The following FBXW10B variants were observed in gnomAD, a reference collection of about 807,000 sequenced individuals.
FBXW10B encodes the protein F-box and WD repeat domain containing 10B.
At chr17:15,601,206 G>A in the FBXW10B span, among the ~76,000 whole-genome samples, 10 of 149,148 alleles carry the variant, frequency 6.7e-5, no homozygotes, top group Admixed American at 6.7e-5. Flanking sequence ...TCAGGAGATC[G>A]AGACCATCCT....
At chr17:15,618,426 T>A in the FBXW10B span, among the ~76,000 whole-genome samples, 124 of 152,014 alleles carry the variant, frequency 8.2e-4, no homozygotes, top group African/African-American at 2.8e-3. Flanking sequence ...CTGCTGGAGA[T>A]CCTGATACAA....
the FBXW10B span, among the ~76,000 whole-genome samples, chr17:15,566,915 C>T: frequency 4.0e-5 from 6 of 151,364 alleles, no homozygotes; most frequent in African/African-American, 1.2e-4. Context: ...AGTATATTAG[C>T]CTCTAAGTGT....
At chr17:15,575,887 T>C in the FBXW10B span, among the ~76,000 whole-genome samples, 66,837 of 152,004 alleles carry the variant, frequency 0.44, 18,029 homozygotes, top group Non-Finnish European at 0.6. Context: ...GATGTGTATC[T>C]AAAGCTATGA....
chr17:15,579,438 A>C, the FBXW10B span, among the ~76,000 whole-genome samples: 1 of 152,200 alleles, frequency 6.6e-6, no homozygotes, highest in African/African-American at 2.4e-5. Flanking sequence ...AGACATTTTC[A>C]AAACAGTTTT....
At chr17:15,615,913 G>A in the FBXW10B span, 1 of 1,489,434 alleles carries the variant, frequency 6.7e-7, no homozygotes, top group East Asian at 2.5e-5. Context: ...TTTTAAAGAT[G>A]TACAGAATGG....
chr17:15,576,216 C>A, the FBXW10B span, among the ~76,000 whole-genome samples: 1 of 152,130 alleles, frequency 6.6e-6, no homozygotes, highest in Non-Finnish European at 1.5e-5. Flanking sequence ...GCTGGTCTAT[C>A]CTAATTTAAT....
the FBXW10B span, among the ~76,000 whole-genome samples, chr17:15,584,995 G>A: frequency 1.6e-5 from 2 of 127,084 alleles, no homozygotes; most frequent in Admixed American, 1.7e-4. Context: ...TTTGACACAA[G>A]GGCCAATTCA....
the FBXW10B span, among the ~76,000 whole-genome samples, chr17:15,610,181 T>A: frequency 6.6e-6 from 1 of 152,044 alleles, no homozygotes; most frequent in Non-Finnish European, 1.5e-5. Flanking sequence ...AAATTACACA[T>A]GTAAGAATTA....
the FBXW10B span, among the ~76,000 whole-genome samples, chr17:15,601,408 CAA>C: frequency 0.021 from 1,420 of 66,608 alleles, 22 homozygotes; most frequent in African/African-American, 0.064. Context: ...GACTCCGTCT[CAA>C]AAAAAAAAAA....
chr17:15,614,290 G>A, the FBXW10B span, among the ~76,000 whole-genome samples: 2 of 151,904 alleles, frequency 1.3e-5, no homozygotes, highest in African/African-American at 2.4e-5. Flanking sequence ...CCGGGTTCAC[G>A]CCATTCTCCT....
chr17:15,606,623 A>G, the FBXW10B span, among the ~76,000 whole-genome samples: 2 of 143,602 alleles, frequency 1.4e-5, no homozygotes, highest in Admixed American at 6.9e-5. Flanking sequence ...ATATATATAC[A>G]TGTACATATA....
the FBXW10B span, among the ~76,000 whole-genome samples, chr17:15,583,985 T>C: frequency 6.6e-6 from 1 of 152,192 alleles, no homozygotes; most frequent in Non-Finnish European, 1.5e-5. Flanking sequence ...TCTCATATAG[T>C]GCTGGTGGGA....
chr17:15,589,495 G>A, the FBXW10B span, among the ~76,000 whole-genome samples: 878 of 151,236 alleles, frequency 5.8e-3, 10 homozygotes, highest in Middle Eastern at 0.01. Flanking sequence ...CCAGCCTCCT[G>A]CGTTCCCCTC....
the FBXW10B span, among the ~76,000 whole-genome samples, chr17:15,568,462 T>C: frequency 1.3e-5 from 2 of 152,194 alleles, no homozygotes; most frequent in Admixed American, 6.5e-5. Context: ...AGGGAATGCG[T>C]CTTGAAGCTG....
chr17:15,610,013 A>T, the FBXW10B span, among the ~76,000 whole-genome samples: 3 of 150,680 alleles, frequency 2.0e-5, no homozygotes, highest in Admixed American at 6.6e-5. Flanking sequence ...GGCATGCACC[A>T]CCATGCCTGG....
At chr17:15,605,800 T>A in the FBXW10B span, among the ~76,000 whole-genome samples, 1 of 151,552 alleles carries the variant, frequency 6.6e-6, no homozygotes, top group Non-Finnish European at 1.5e-5. Context: ...CTGTGCACAC[T>A]GTATTTCTTT....
chr17:15,595,254 CG>C, the FBXW10B span, among the ~76,000 whole-genome samples: 1 of 152,068 alleles, frequency 6.6e-6, no homozygotes, highest in African/African-American at 2.4e-5. Flanking sequence ...GCAGGATATT[CG>C]CTTGAACCAG....
At chr17:15,596,218 G>C in the FBXW10B span, among the ~76,000 whole-genome samples, 1 of 151,902 alleles carries the variant, frequency 6.6e-6, no homozygotes, top group East Asian at 1.9e-4. Flanking sequence ...GGAGAAAAAG[G>C]TACTTCACCT....
the FBXW10B span, chr17:15,613,520 GCTAAGGGTTTACTGAAAGGTCCA>G: frequency 9.8e-7 from 1 of 1,017,572 alleles, no homozygotes; most frequent in Non-Finnish European, 1.4e-6. Context: ...GAGGAGGCCA[GCTAAGGGTTTACTGAAAGGTCCA>G]CAGTCATATC....
Sources: allele counts gnomAD v4.1 joint callset (sites outside exome capture counted in the v4.1 genomes callset), GRCh38; gene constraint gnomAD v4.1.1; transcripts MANE v1.5; gene names NCBI Gene and HGNC (gene_info 2026-07-23, HGNC 2026-07-21).